ZNF324B: variants seen among roughly 807,000 people sequenced by gnomAD.
ZNF324B encodes the protein zinc finger protein 324B.
Under a neutral mutation model 10.6 loss-of-function variants are expected in ZNF324B, and 7 were observed. That is an observed-to-expected ratio of 0.66 (90% CI 0.38 to 1.24). ZNF324B has a LOEUF of 1.24. ZNF324B is among the 50% of genes most tolerant of loss of function. The pLI, the probability that ZNF324B is intolerant of heterozygous loss-of-function variation, is 0.02. For missense variants in ZNF324B, 640 were observed against 764.7 expected (o/e 0.84, Z 1.92); for synonymous variants, 316 against 321.0 (o/e 0.98, Z 0.17).
the ZNF324B span, chr19:58,435,092 T>G: frequency 1.2e-6 from 2 of 1,614,174 alleles, no homozygotes; most frequent in Non-Finnish European, 1.7e-6. Flanking sequence ...GGCCCACACA[T>G]GTCACAGGAG....
rs750277253 is a variant in ZNF324B at position 58,455,397 on chromosome 19, G to A, written c.453G>A (p.Ser151=). Residue 151 remains serine, a synonymous_variant, in exon 4 of 4, where the codon TCG becomes TCA. Coordinates refer to ENST00000336614, the MANE Select transcript of ZNF324B (RefSeq NM_207395.3). This position sits in a 1 kb window ranked among gnomAD's most constrained non-coding sequence, Gnocchi z 7.0. ...ACTGGGAGAGGCTCCTGCTAGGCTC[G>A]CGCAGTGACCAGGCCAGCATCAGCC... The part of the protein sequence containing the change: ...VIYWERLLLG[S]RSDQASISLR... 22 of 1,614,084 alleles carry A rather than the reference G, an allele frequency of 1.4e-5. 1 individual carries two copies. Among genetic ancestry groups the A allele is most frequent in the South Asian group, 1.3e-4 (12 of 91,090 alleles).
chr19:58,452,159 AG>A, intron 1 of ZNF324B: 3 of 155,698 alleles, frequency 1.9e-5, no homozygotes, highest in Non-Finnish European at 4.3e-5. Flanking sequence ...TCCGGCAGCC[AG>A]GGGGCTGAGG....
the ZNF324B span, chr19:58,443,022 G>A: frequency 2.6e-5 from 4 of 151,702 alleles, no homozygotes; most frequent in African/African-American, 4.9e-5. Flanking sequence ...CCATTTTACA[G>A]AGCACTGATT....
chr19:58,434,505 G>A, the ZNF324B span: 1 of 1,614,204 alleles, frequency 6.2e-7, no homozygotes, highest in Non-Finnish European at 8.5e-7. Flanking sequence ...TTACTTCAGT[G>A]TGAAATTTCT....
In ZNF324B at chr19:58,456,411, C is replaced by T. The variant is rs749328629; in HGVS notation, c.1467C>T (p.Ala489=). The change falls in exon 4 of 4, where the codon GCC becomes GCT. Residue 489 remains alanine (A), a synonymous_variant. Transcript: ENST00000336614. This position sits in a 1 kb window ranked among gnomAD's most constrained non-coding sequence, Gnocchi z 4.7. Reference sequence around the variant, plus strand: ...TCGTGTGCACGCAGTGTGGCCGCGCCTTCCGTGAGCGCCCTGCCCTCTTGC... The same window carrying T: ...TCGTGTGCACGCAGTGTGGCCGCGCTTTCCGTGAGCGCCCTGCCCTCTTGC... ...KPFVCTQCGR[A]FRERPALLHH... is the part of the protein sequence containing the mutation. 3 of 1,613,414 alleles carry T rather than the reference C, an allele frequency of 1.9e-6. No individual in the cohort carries two copies. The highest frequency in any genetic ancestry group is 1.3e-5 in the African/African-American group (1 of 75,084).
In ZNF324B at chr19:58,456,430, C is replaced by G; in HGVS notation, c.1486C>G (p.Leu496Val). ...CGRAFRERPA[L>V]LHHQRIHTTE... Reference sequence around the variant, plus strand: ...CCGCGCCTTCCGTGAGCGCCCTGCCCTCTTGCACCACCAGAGGATCCACAC... The same window carrying G: ...CCGCGCCTTCCGTGAGCGCCCTGCCGTCTTGCACCACCAGAGGATCCACAC... Residue 496 changes from leucine to valine, a missense_variant, in exon 4 of 4, where the codon CTC (leucine) becomes GTC (valine). By Grantham distance (32) the Leu-to-Val change is conservative. This residue lies in a region of ZNF324B where 238 missense variants were observed against 258.0 expected (regional missense o/e 0.92). Coordinates refer to ENST00000336614, the MANE Select transcript of ZNF324B (RefSeq NM_207395.3). This position sits in a 1 kb window ranked among gnomAD's most constrained non-coding sequence, Gnocchi z 4.7. 6.2e-7 allele frequency: 1 copy of G among 1,612,520 alleles called. No individual in the cohort carries two copies. Among genetic ancestry groups the G allele is most frequent in the Non-Finnish European group, 8.5e-7 (1 of 1,179,634 alleles).
chr19:58,427,391 TTTCTTTCTTTCTTTCCTTCC>T, the ZNF324B span, among the ~76,000 whole-genome samples: 1 of 50,150 alleles, frequency 2.0e-5, no homozygotes, highest in South Asian at 7.6e-4. Flanking sequence ...TCTTTCTTTC[TTTCTTTCTTTCTTTCCTTCC>T]TTCCTTCCTT....
the ZNF324B span, chr19:58,434,289 G>C: frequency 6.2e-7 from 1 of 1,613,970 alleles, no homozygotes; most frequent in Non-Finnish European, 8.5e-7. Context: ...TGGAGCTTTG[G>C]CTGAAGGCTC....
At chr19:58,427,664 T>G in the ZNF324B span, among the ~76,000 whole-genome samples, 4 of 151,260 alleles carry the variant, frequency 2.6e-5, no homozygotes, top group African/African-American at 9.8e-5. Flanking sequence ...CTTTTTTTTT[T>G]CCTGTTTTAG....
chr19:58,446,750 G>A (rs2052829784), upstream of ZNF324B, among the ~76,000 whole-genome samples: 1 of 151,034 alleles, frequency 6.6e-6, no homozygotes, highest in East Asian at 2.0e-4. Context: ...CTAATTTTTT[G>A]TATTTTAGTA....
chr19:58,421,377 G>A, the ZNF324B span, among the ~76,000 whole-genome samples: 2 of 152,044 alleles, frequency 1.3e-5, no homozygotes, highest in Admixed American at 6.6e-5. Context: ...TTTTTTAGGG[G>A]GAACGGAAGC....
In ZNF324B at chr19:58,453,760, C is replaced by G. The variant is rs760720393; in HGVS notation, c.59C>G (p.Thr20Arg). The change falls in exon 2 of 4, where the codon ACA becomes AGA. Residue 20 changes from threonine (T) to arginine (R), a missense_variant. Thr to Arg is a moderately conservative substitution (Grantham distance 71). Transcript: ENST00000336614. The part of the protein sequence containing the change: ...FSQEEWGLLD[T>R]AQRALYRHVM... Reference sequence around the variant, plus strand: ...CAGGAGGAGTGGGGGCTCCTGGACACAGCGCAGAGGGCCCTGTACCGCCAC... The same window carrying G: ...CAGGAGGAGTGGGGGCTCCTGGACAGAGCGCAGAGGGCCCTGTACCGCCAC... 1.2e-6 allele frequency: 2 copies of G among 1,614,204 alleles called. No homozygotes were observed. Among genetic ancestry groups the G allele is most frequent in the East Asian group, 4.5e-5 (2 of 44,890 alleles).
At chr19:58,436,202 C>T in the ZNF324B span, 1 of 154,114 alleles carries the variant, frequency 6.5e-6, no homozygotes, top group Non-Finnish European at 1.5e-5. Flanking sequence ...TGGGGAGTGA[C>T]AGCTAATGGG....
the ZNF324B span, chr19:58,434,261 T>C: frequency 6.2e-7 from 1 of 1,614,174 alleles, no homozygotes; most frequent in South Asian, 1.1e-5. Flanking sequence ...GTGTGAACTT[T>C]CTGATGCCGA....
chr19:58,422,346 C>G, the ZNF324B span, among the ~76,000 whole-genome samples: 1 of 152,110 alleles, frequency 6.6e-6, no homozygotes, highest in Non-Finnish European at 1.5e-5. Context: ...CTTTTTCTCT[C>G]AGAACTGGAA....
chr19:58,437,019 TCA>T, the ZNF324B span: 3 of 1,613,954 alleles, frequency 1.9e-6, no homozygotes, highest in Admixed American at 3.3e-5. Flanking sequence ...CATAAGGTAG[TCA>T]TCACCATGCT....
At chr19:58,430,548 T>C in the ZNF324B span, 33,341 of 152,154 alleles carry the variant, frequency 0.22, 4,198 homozygotes, top group East Asian at 0.41. Flanking sequence ...AAAGGGGGTG[T>C]CTATAGCTGA....
At chr19:58,427,433 TCCTTCCTTC>T in the ZNF324B span, among the ~76,000 whole-genome samples, 1 of 35,504 alleles carries the variant, frequency 2.8e-5, no homozygotes, top group African/African-American at 1.5e-4. Flanking sequence ...CTTCCTTCCT[TCCTTCCTTC>T]CTTTCCTTTC....
At chr19:58,434,199 G>A in the ZNF324B span, 2 of 1,614,074 alleles carry the variant, frequency 1.2e-6, no homozygotes, top group Non-Finnish European at 1.7e-6. Context: ...TGAGAGCAGA[G>A]CTTCGGCTGA....
Sources: allele counts gnomAD v4.1 joint callset (sites outside exome capture counted in the v4.1 genomes callset), GRCh38; gene constraint gnomAD v4.1.1; regional missense constraint gnomAD v4.1.1; non-coding constraint Gnocchi (gnomAD v3.1); transcripts MANE v1.5; gene names NCBI Gene and HGNC (gene_info 2026-07-23, HGNC 2026-07-21).